Variants in PACRG observed in about 807,000 individuals in gnomAD.
PACRG encodes parkin coregulated.
PACRG carries 29 observed loss-of-function variants against 29.7 expected under a neutral mutation model. The ratio of observed to expected loss-of-function variants is 0.98; its 90% CI spans 0.73 to 1.33. The LOEUF (loss-of-function observed/expected upper bound fraction) is 1.33. PACRG is among the 40% of genes most tolerant of loss of function. PACRG has a pLI of 0.00. For missense variants in PACRG, 279 were observed against 316.2 expected, an observed-to-expected ratio of 0.88 and a Z score of 0.89; for synonymous variants, 116 against 118.7, an observed-to-expected ratio of 0.98 and a Z score of 0.15.
upstream of PACRG, chr6:162,727,283 A>AGGGGCGAAGGTGAGGGGTGGCGGC: frequency 3.8e-6 from 1 of 265,568 alleles, no homozygotes; most frequent in Non-Finnish European, 6.9e-6. Context: ...CAGTGAGGTG[A>AGGGGCGAAGGTGAGGGGTGGCGGC]GGGGCGAAGG....
intron 4 of PACRG, among the ~76,000 whole-genome samples, chr6:163,253,354 A>T (rs537784759): frequency 9.2e-5 from 14 of 151,946 alleles, no homozygotes; most frequent in African/African-American, 3.4e-4. Flanking sequence ...AAAAAAATAG[A>T]TGAGCTCTTG....
At chr6:163,000,409 C>T (rs918792109) in intron 2 of PACRG, among the ~76,000 whole-genome samples, 1 of 152,148 alleles carries the variant, frequency 6.6e-6, no homozygotes, top group Non-Finnish European at 1.5e-5. Flanking sequence ...TGAGGGAACC[C>T]CCATTGCACT....
chr6:163,289,322 C>T (rs1055741058), intron 4 of PACRG, among the ~76,000 whole-genome samples: 2 of 152,152 alleles, frequency 1.3e-5, no homozygotes, highest in African/African-American at 4.8e-5. Context: ...TCCAAGATGG[C>T]TTTCACGATG....
At chr6:162,882,091 T>TG (rs569901995) in intron 2 of PACRG, among the ~76,000 whole-genome samples, 6 of 60,650 alleles carry the variant, frequency 9.9e-5, no homozygotes, top group African/African-American at 2.8e-4. Context: ...AGACTCGGGG[T>TG]GGGGGGGCGC....
chr6:162,810,057 A>G (rs1463920969), intron 1 of PACRG, among the ~76,000 whole-genome samples: 1 of 152,140 alleles, frequency 6.6e-6, no homozygotes, highest in East Asian at 1.9e-4. Context: ...CACACTGTTT[A>G]TGATGTCAGT....
intron 4 of PACRG, among the ~76,000 whole-genome samples, chr6:163,285,348 C>A (rs139464456): frequency 0.011 from 1,637 of 152,186 alleles, 31 homozygotes; most frequent in African/African-American, 0.038. Context: ...CATCCCCACT[C>A]GGGCAGCACC....
intron 3 of PACRG, among the ~76,000 whole-genome samples, chr6:163,070,910 T>C (rs755368563): frequency 2.6e-5 from 4 of 152,048 alleles, no homozygotes; most frequent in African/African-American, 7.2e-5. Context: ...GCTATACTTA[T>C]ATCAGACAAA....
At chr6:163,044,082 C>T (rs761965212) in intron 2 of PACRG, among the ~76,000 whole-genome samples, 19 of 151,890 alleles carry the variant, frequency 1.3e-4, no homozygotes, top group African/African-American at 1.7e-4. Context: ...CAGAGAATCA[C>T]GCAAGATAAC....
chr6:162,762,609 A>G (rs1269624521), intron 1 of PACRG, among the ~76,000 whole-genome samples: 1 of 152,226 alleles, frequency 6.6e-6, no homozygotes, highest in African/African-American at 2.4e-5. Flanking sequence ...TATTTTGGTC[A>G]TAACAGCACT....
At chr6:163,034,748 T>C (rs369821007) in intron 2 of PACRG, among the ~76,000 whole-genome samples, 1 of 152,156 alleles carries the variant, frequency 6.6e-6, no homozygotes. Flanking sequence ...TTGGGTCCCT[T>C]TATGGTAGCC....
At chr6:162,984,604 A>C (rs79954237) in intron 2 of PACRG, among the ~76,000 whole-genome samples, 1 of 151,976 alleles carries the variant, frequency 6.6e-6, no homozygotes, top group African/African-American at 2.4e-5. Flanking sequence ...ACTGTTTTTC[A>C]TAGTGGTTGT....
chr6:162,900,491 C>G (rs1795485549), intron 2 of PACRG, among the ~76,000 whole-genome samples: 1 of 152,180 alleles, frequency 6.6e-6, no homozygotes, highest in Non-Finnish European at 1.5e-5. Flanking sequence ...CTCATGTGAA[C>G]AATCTTACCA....
chr6:162,814,336 C>G, intron 2 of PACRG, 55 bp downstream of exon 2: 1 of 1,589,158 alleles, frequency 6.3e-7, no homozygotes, highest in Non-Finnish European at 8.6e-7. Flanking sequence ...TGACATCTCC[C>G]AATGCCAAAC....
intron 4 of PACRG, among the ~76,000 whole-genome samples, chr6:163,237,865 T>C (rs1353950854): frequency 1.3e-5 from 2 of 152,236 alleles, no homozygotes; most frequent in East Asian, 3.8e-4. Context: ...AGATTATAGT[T>C]ACCAGTTCCC....
intron 4 of PACRG, among the ~76,000 whole-genome samples, chr6:163,259,281 T>TA (rs1357776734): frequency 1.3e-5 from 2 of 152,212 alleles, no homozygotes; most frequent in Non-Finnish European, 2.9e-5. Context: ...TAAGACTGGC[T>TA]AATAACTGCT....
At chr6:163,040,331 TGTCTGCTGCAAGG>T (rs1183596386) in intron 2 of PACRG, among the ~76,000 whole-genome samples, 1 of 152,238 alleles carries the variant, frequency 6.6e-6, no homozygotes, top group Non-Finnish European at 1.5e-5. Flanking sequence ...TCCAGGCAGA[TGTCTGCTGCAAGG>T]GCAGAGCCCT....
intron 1 of PACRG, among the ~76,000 whole-genome samples, chr6:162,769,806 T>A (rs7758074): frequency 0.26 from 39,662 of 151,566 alleles, 6,053 homozygotes; most frequent in East Asian, 0.48. Context: ...AAGACTTTTT[T>A]AAATCCAAAA....
chr6:163,128,263 G>C (rs887674036), intron 4 of PACRG, among the ~76,000 whole-genome samples: 5 of 152,216 alleles, frequency 3.3e-5, no homozygotes, highest in African/African-American at 1.2e-4. Context: ...ATGAGTTTAA[G>C]CATCCTCCTA....
At chr6:163,087,599 G>T (rs1585183822) in intron 3 of PACRG, among the ~76,000 whole-genome samples, 1 of 150,640 alleles carries the variant, frequency 6.6e-6, no homozygotes, top group African/African-American at 2.4e-5. Context: ...GGGAGAGAAG[G>T]TGAGGATGGA....
Sources: allele counts gnomAD v4.1 joint callset (sites outside exome capture counted in the v4.1 genomes callset), GRCh38; gene constraint gnomAD v4.1.1; transcripts MANE v1.5; gene names NCBI Gene and HGNC (gene_info 2026-07-23, HGNC 2026-07-21).